GRK7: variants seen among roughly 807,000 people sequenced by gnomAD.
GRK7 encodes the protein rhodopsin kinase GRK7.
GRK7 carries 24 observed loss-of-function variants against 34.1 expected under a neutral mutation model. That is an observed-to-expected ratio of 0.70 (90% CI 0.51 to 0.99). The LOEUF (loss-of-function observed/expected upper bound fraction) is 0.99, where lower values mean the gene tolerates loss of function less well. GRK7 is among the 50% of genes least tolerant of loss of function. GRK7 has a pLI of 0.00. For missense variants in GRK7, 644 were observed against 707.3 expected, an observed-to-expected ratio of 0.91 and a Z score of 1.02; for synonymous variants, 256 against 279.4, an observed-to-expected ratio of 0.92 and a Z score of 0.84.
chr3:141,793,380 C>T (rs1380211548), intron 4 of GRK7, among the ~76,000 whole-genome samples: 3 of 152,162 alleles, frequency 2.0e-5, no homozygotes, highest in African/African-American at 4.8e-5. Context: ...ACATCCAGCT[C>T]GCATCTGCTG....
Position 141,778,828 on chromosome 3 carries a change from G to T in GRK7, c.544G>T (p.Glu182Ter). Residue 182 changes from glutamate to a stop codon, truncating the protein, a stop_gained, in exon 3 of 6, where the codon GAG becomes TAG. Coordinates refer to ENST00000682958, the MANE Select transcript of GRK7 (RefSeq NM_139209.3). LOFTEE classifies it high-confidence loss of function. This position sits in a 1 kb window ranked among gnomAD's most constrained non-coding sequence, Gnocchi z 4.1. Reference sequence around the variant, plus strand: ...CAAGTTTCTGCAGTGGAAACTCTTCGAGATGCAACCAGTGTCAGACAAGTA... The same window carrying T: ...CAAGTTTCTGCAGTGGAAACTCTTCTAGATGCAACCAGTGTCAGACAAGTA... ...YDKFLQWKLF[E>*]MQPVSDKYFT... is the part of the protein sequence containing the mutation. 6.2e-7 allele frequency: 1 copy of T among 1,612,276 alleles called. No individual in the cohort carries two copies. Among genetic ancestry groups the T allele is most frequent in the Non-Finnish European group, 8.5e-7 (1 of 1,179,208 alleles).
Position 141,778,646 on chromosome 3 carries a change from A to G in GRK7, c.362A>G (p.Asn121Ser), listed in dbSNP as rs1226105582. ...ATCASAPAPG[N>S]PQPFLSQAVA... ...TGTGCGAGTGCCCCTGCCCCGGGGAACCCGCAACCCTTCCTCAGCCAGGCC... is the reference window on the plus strand; with the variant it reads ...TGTGCGAGTGCCCCTGCCCCGGGGAGCCCGCAACCCTTCCTCAGCCAGGCC... The change falls in exon 3 of 6, where the codon AAC (asparagine) becomes AGC (serine). Residue 121 changes from asparagine to serine, a missense_variant. Transcript: ENST00000682958. The surrounding 1 kb of genome is among the most constrained non-coding windows in gnomAD (Gnocchi z 4.1). 41 of 1,612,974 alleles carry G rather than the reference A, an allele frequency of 2.5e-5. No homozygotes were observed. In the East Asian group the frequency reaches 9.1e-4, roughly 36 times the overall value.
chr3:141,756,764 A>G, the GRK7 span, among the ~76,000 whole-genome samples: 10 of 152,176 alleles, frequency 6.6e-5, no homozygotes, highest in African/African-American at 2.2e-4. Context: ...AAAATGCATT[A>G]ATGGTGTTCC....
chr3:141,751,423 T>A, the GRK7 span, among the ~76,000 whole-genome samples: 1 of 152,126 alleles, frequency 6.6e-6, no homozygotes, highest in Non-Finnish European at 1.5e-5. Flanking sequence ...TGTTAGGGAA[T>A]ATTAGCTTTA....
Position 141,807,697 on chromosome 3 carries a change from A to G in GRK7, c.1103A>G (p.Tyr368Cys), listed in dbSNP as rs1388660352. Residue 368 changes from tyrosine to cysteine, a missense_variant, in exon 5 of 6, where the codon TAT (tyrosine) becomes TGT (cysteine). By Grantham distance (194) the Tyr-to-Cys change is radical (BLOSUM62 -2). Coordinates refer to ENST00000682958, the MANE Select transcript of GRK7 (RefSeq NM_139209.3). ...GAGATCCTAATGGAAAAGGTAAGTTATTCCTATCCTGTGGACTGGTTTGCC... is the reference window on the plus strand; with the variant it reads ...GAGATCCTAATGGAAAAGGTAAGTTGTTCCTATCCTGTGGACTGGTTTGCC... The part of the protein sequence containing the change: ...APEILMEKVS[Y>C]SYPVDWFAMG... 17 of 1,614,044 alleles carry G rather than the reference A, an allele frequency of 1.1e-5. No homozygotes were observed. The highest frequency in any genetic ancestry group is 5.0e-5 in the Admixed American group (3 of 60,008).
In GRK7 at chr3:141,772,171, T is replaced by A. The variant is rs536065546; in HGVS notation, c.-214-2409T>A. On this transcript the variant is annotated intron_variant, in intron 1 of 5. Transcript: ENST00000682958. The stretch of plus-strand genomic sequence containing the variant: ...GTGCAGTGGGACTATCTCAGCTCAC[T>A]GCAACCTCCACCTCCCAGGTTCAAG... 5.3e-5 allele frequency among the ~76,000 whole-genome samples: 8 copies of A among 152,064 alleles called. 1 individual carries two copies. The South Asian group carries it at 1.7e-3, about 32-fold the overall frequency.
At chr3:141,800,690 GA>G (rs1710950356) in intron 4 of GRK7, among the ~76,000 whole-genome samples, 1 of 152,132 alleles carries the variant, frequency 6.6e-6, no homozygotes, top group Non-Finnish European at 1.5e-5. Flanking sequence ...AGACATGAAA[GA>G]ATACATACTA....
rs185081705 is a variant in GRK7, at chr3:141,799,280, T to C, written c.1051-8365T>C. On this transcript the variant is annotated intron_variant, in intron 4 of 5. Coordinates refer to ENST00000682958, the MANE Select transcript of GRK7 (RefSeq NM_139209.3). ...CTTGGAGGGGTAAGAAAAAGTCACT[T>C]CACCTACTTCTATAGAGGCGGAATA... Among the ~76,000 whole-genome samples the C allele has an allele frequency of 9.2e-5, 14 of 152,198 alleles. No individual in the cohort carries two copies. In the East Asian group the frequency reaches 2.5e-3, roughly 27 times the overall value.
intron 4 of GRK7, among the ~76,000 whole-genome samples, chr3:141,795,779 A>G (rs2084746134): frequency 7.0e-6 from 1 of 142,234 alleles, no homozygotes; most frequent in Non-Finnish European, 1.6e-5. Context: ...GCTCTATGTT[A>G]AAAAAAAAAA....
intron 4 of GRK7, among the ~76,000 whole-genome samples, chr3:141,785,725 C>G (rs898868900): frequency 6.6e-6 from 1 of 151,348 alleles, no homozygotes; most frequent in African/African-American, 2.4e-5. Flanking sequence ...GATCATACCA[C>G]TGCACTCCAG....
intron 4 of GRK7, among the ~76,000 whole-genome samples, chr3:141,806,672 G>A (rs1206340295): frequency 6.6e-6 from 1 of 151,938 alleles, no homozygotes; most frequent in Non-Finnish European, 1.5e-5. Context: ...ACTTATATGA[G>A]GTACCTAGAG....
chr3:141,777,717 A>G (rs943167794), intron 2 of GRK7, among the ~76,000 whole-genome samples: 1 of 151,664 alleles, frequency 6.6e-6, no homozygotes, highest in Non-Finnish European at 1.5e-5. Flanking sequence ...GCCTCTGGGA[A>G]CACATCTCGG....
In GRK7 at chr3:141,816,964, CTGTT is replaced by C; in HGVS notation, c.1579_1582del (p.Phe527ArgfsTer3). The C allele has an allele frequency of 1.9e-6, 3 of 1,614,072 alleles. No individual in the cohort carries two copies. The highest frequency in any genetic ancestry group is 2.5e-6 in the Non-Finnish European group (3 of 1,179,982). On this transcript the variant is annotated frameshift_variant, in exon 6 of 6. Coordinates refer to ENST00000682958, the MANE Select transcript of GRK7 (RefSeq NM_139209.3). LOFTEE classifies it low-confidence loss of function (END_TRUNC). ...GCAGGAAGAAATTATAGAAACGGGA[CTGTT>C]TGAGGAACTGAATGACCCCAACAGA...
rs1179855693 is a variant in GRK7 at position 141,805,059 on chromosome 3, CA to C, written c.1051-2585del. Among the ~76,000 whole-genome samples, 26 of 8,428 alleles carry C rather than the reference CA, an allele frequency of 3.1e-3. No individual in the cohort carries two copies. In the African/African-American group the frequency reaches 0.073, roughly 24 times the overall value. The allele number at this position is 8,428 out of a possible 152,430, so 5.5% of individuals were successfully genotyped here. On this transcript the variant is annotated intron_variant, in intron 4 of 5. Transcript: ENST00000682958. Reference sequence around the variant, plus strand: ...ACCCACTCACACACACTCATATGCCCACACACACACACACACACGCACATAC... The same window carrying C: ...ACCCACTCACACACACTCATATGCCCCACACACACACACACACGCACATAC...
At chr3:141,762,971 C>T (rs975207530), upstream of GRK7, among the ~76,000 whole-genome samples, 1 of 152,068 alleles carries the variant, frequency 6.6e-6, no homozygotes, top group African/African-American at 2.4e-5. Flanking sequence ...GGCAATGCCT[C>T]GCCCTGCTTC....
At chr3:141,796,779 G>T (rs935312469) in intron 4 of GRK7, among the ~76,000 whole-genome samples, 16 of 152,286 alleles carry the variant, frequency 1.1e-4, no homozygotes, top group African/African-American at 3.6e-4. Flanking sequence ...TGAAAGAACG[G>T]GAACTATTGA....
intron 4 of GRK7, among the ~76,000 whole-genome samples, chr3:141,800,074 G>A (rs1367674276): frequency 1.3e-5 from 2 of 152,140 alleles, no homozygotes; most frequent in Admixed American, 6.5e-5. Flanking sequence ...GTTGTTTATA[G>A]TCTCTTTATG....
rs1335837509 is a variant in GRK7 at position 141,764,240 on chromosome 3, C to G, written c.-1713C>G. On this transcript the variant is annotated 5_prime_UTR_variant, in exon 1 of 6. Transcript: ENST00000682958. Reference sequence around the variant, plus strand: ...TCTCTTCCAGTGATGTGCTCTCCACCCCTGCCTTGACTGCCACTCACTCCA... The same window carrying G: ...TCTCTTCCAGTGATGTGCTCTCCACGCCTGCCTTGACTGCCACTCACTCCA... Among the ~76,000 whole-genome samples, 1 of 152,144 alleles carries G rather than the reference C, an allele frequency of 6.6e-6. No homozygotes were observed. The highest frequency in any genetic ancestry group is 1.9e-4 in the East Asian group (1 of 5,178).
intron 4 of GRK7, among the ~76,000 whole-genome samples, chr3:141,799,440 C>T (rs1710927870): frequency 6.6e-6 from 1 of 152,050 alleles, no homozygotes; most frequent in Non-Finnish European, 1.5e-5. Context: ...TGGTGAAACC[C>T]TGTCTCTACT....
Sources: gnomAD v4.1 joint callset for allele counts (sites outside exome capture counted in the v4.1 genomes callset) on GRCh38, gnomAD v4.1.1 for gene constraint, Gnocchi (gnomAD v3.1) non-coding constraint, MANE v1.5 for transcripts, NCBI Gene and HGNC (gene_info 2026-07-23, HGNC 2026-07-21) for gene names.